Variants in PITPNC1 observed in about 807,000 individuals in gnomAD.
PITPNC1 encodes the protein phosphatidylinositol transfer protein cytoplasmic 1.
PITPNC1 carries 18 observed loss-of-function variants against 44.7 expected under a neutral mutation model. The ratio of observed to expected loss-of-function variants is 0.40; its 90% CI spans 0.28 to 0.60. PITPNC1 has a LOEUF of 0.60. PITPNC1 is among the 20% of genes least tolerant of loss of function. PITPNC1 has a pLI of 0.39. For synonymous variants in PITPNC1, 141 were observed against 149.6 expected (o/e 0.94, Z 0.42); for missense variants, 290 against 418.4 (o/e 0.69, Z 2.68).
Position 67,636,399 on chromosome 17 carries a change from T to C in PITPNC1, c.462+4161T>C, listed in dbSNP as rs553442456. On this transcript the variant is annotated intron_variant, in intron 6 of 8. Coordinates refer to ENST00000581322, the MANE Select transcript of PITPNC1 (RefSeq NM_012417.4). ...AGATGGATGGAACTCTGGATTCAGC[T>C]TTGACGCTCAGGGCCACCCCTGGCC... 2.0e-5 allele frequency among the ~76,000 whole-genome samples: 3 copies of C among 152,238 alleles called. No homozygotes were observed. In the East Asian group the frequency reaches 5.8e-4, roughly 29 times the overall value.
chr17:67,690,185 T>C lies in PITPNC1; in HGVS notation c.683-2387T>C, dbSNP rs185913575. On this transcript the variant is annotated intron_variant, in intron 8 of 8. Coordinates refer to ENST00000581322, the MANE Select transcript of PITPNC1 (RefSeq NM_012417.4). Reference sequence around the variant, plus strand: ...AGATTAAGCTGGGCACGGTGGCTCATGCCTATAATCCCAGCACTTTGGGAG... The same window carrying C: ...AGATTAAGCTGGGCACGGTGGCTCACGCCTATAATCCCAGCACTTTGGGAG... Among the ~76,000 whole-genome samples, 924 of 152,140 alleles carry C rather than the reference T, an allele frequency of 6.1e-3. 5 individuals carry two copies. The highest frequency in any genetic ancestry group is 0.027 in the Middle Eastern group (8 of 294).
At chr17:67,409,695 C>T (rs1192280775) in intron 1 of PITPNC1, among the ~76,000 whole-genome samples, 4 of 151,916 alleles carry the variant, frequency 2.6e-5, no homozygotes, top group Admixed American at 6.6e-5. Context: ...CACGCCACCA[C>T]GCCCAGCTAA....
intron 2 of PITPNC1, among the ~76,000 whole-genome samples, chr17:67,546,560 G>C (rs1378038851): frequency 1.3e-5 from 2 of 152,186 alleles, no homozygotes; most frequent in Non-Finnish European, 2.9e-5. Context: ...CCTCACTGCT[G>C]ATGGATGATG....
At chr17:67,592,011 C>T (rs557753725) in intron 5 of PITPNC1, among the ~76,000 whole-genome samples, 18 of 151,762 alleles carry the variant, frequency 1.2e-4, no homozygotes, top group South Asian at 2.1e-4. Context: ...CCACACCCAG[C>T]GCAATGATTT....
At chr17:67,463,487 A>G (rs937088290) in intron 1 of PITPNC1, among the ~76,000 whole-genome samples, 7 of 152,162 alleles carry the variant, frequency 4.6e-5, no homozygotes, top group Non-Finnish European at 8.8e-5. Flanking sequence ...CACATAGTAC[A>G]TTGGAAGTCT....
intron 1 of PITPNC1, among the ~76,000 whole-genome samples, chr17:67,403,764 G>A (rs1365043693): frequency 6.6e-6 from 1 of 152,212 alleles, no homozygotes; most frequent in Non-Finnish European, 1.5e-5. Flanking sequence ...TCTCACGGCT[G>A]TAATCCTAGC....
At chr17:67,434,621 G>A (rs1246384925) in intron 1 of PITPNC1, among the ~76,000 whole-genome samples, 2 of 152,028 alleles carry the variant, frequency 1.3e-5, no homozygotes, top group Non-Finnish European at 2.9e-5. Context: ...GACCAGCCTG[G>A]CCAACATGGC....
intron 8 of PITPNC1, among the ~76,000 whole-genome samples, chr17:67,683,871 G>A (rs1162436699): frequency 5.3e-5 from 8 of 151,522 alleles, no homozygotes; most frequent in South Asian, 2.1e-4. Flanking sequence ...CCAGCTACTC[G>A]GGAGGCTGAG....
intron 1 of PITPNC1, 34 bp downstream of exon 1, chr17:67,378,236 C>T: frequency 1.4e-6 from 2 of 1,398,412 alleles, no homozygotes; most frequent in Non-Finnish European, 1.9e-6. Flanking sequence ...CTCGCCCGCT[C>T]CGGGACCCCC....
chr17:67,617,574 A>C (rs1020184159), intron 5 of PITPNC1, among the ~76,000 whole-genome samples: 1 of 152,142 alleles, frequency 6.6e-6, no homozygotes, highest in African/African-American at 2.4e-5. Flanking sequence ...AAATCATCAC[A>C]AATTGGGTGG....
intron 1 of PITPNC1, among the ~76,000 whole-genome samples, chr17:67,412,595 T>C (rs1490363692): frequency 6.6e-6 from 1 of 152,148 alleles, no homozygotes; most frequent in East Asian, 1.9e-4. Flanking sequence ...AGACGGAGTT[T>C]CGCTCTTGTT....
At chr17:67,649,731 T>TA (rs1207148553) in intron 6 of PITPNC1, among the ~76,000 whole-genome samples, 15 of 151,994 alleles carry the variant, frequency 9.9e-5, no homozygotes, top group Non-Finnish European at 1.9e-4. Flanking sequence ...TTTTTTTTAC[T>TA]AAAAAAAATT....
At chr17:67,644,449 T>G (rs1415139120) in intron 6 of PITPNC1, among the ~76,000 whole-genome samples, 16 of 132,942 alleles carry the variant, frequency 1.2e-4, no homozygotes, top group Non-Finnish European at 2.6e-4. Context: ...TTTTTTTTTT[T>G]TTTGAGACAG....
At chr17:67,599,273 G>C (rs1181609017) in intron 5 of PITPNC1, among the ~76,000 whole-genome samples, 3 of 151,802 alleles carry the variant, frequency 2.0e-5, no homozygotes. Context: ...AGTTGAGTTT[G>C]AAGTAGTCAC....
rs577857241 is a variant in PITPNC1, at chr17:67,591,119, A to AAAAC, written c.366+12886_366+12889dup. ...CATCACCTCTTTAGTGTTCTTGTCA[A>AAAAC]AAACAAACAAACAAACAAACAAACA... On this transcript the variant is annotated intron_variant, in intron 5 of 8. Coordinates refer to ENST00000581322, the MANE Select transcript of PITPNC1 (RefSeq NM_012417.4). Among the ~76,000 whole-genome samples, 425 of 152,226 alleles carry AAAAC rather than the reference A, an allele frequency of 2.8e-3. 1 individual carries two copies. Among genetic ancestry groups the AAAAC allele is most frequent in the African/African-American group, 8.8e-3 (364 of 41,548 alleles).
chr17:67,646,775 C>A (rs2042154538), intron 6 of PITPNC1, among the ~76,000 whole-genome samples: 1 of 152,160 alleles, frequency 6.6e-6, no homozygotes, highest in Non-Finnish European at 1.5e-5. Context: ...AGTGGTCCAC[C>A]TGCCTCAGCC....
intron 1 of PITPNC1, among the ~76,000 whole-genome samples, chr17:67,425,193 G>GCACACACA (rs201370650): frequency 1.9e-5 from 1 of 52,118 alleles, no homozygotes; most frequent in African/African-American, 1.0e-4. Context: ...TTGTGCGCGC[G>GCACACACA]CACGCACACG....
chr17:67,395,812 G>A (rs1337064308), intron 1 of PITPNC1, among the ~76,000 whole-genome samples: 3 of 152,180 alleles, frequency 2.0e-5, no homozygotes, highest in Admixed American at 2.0e-4. Flanking sequence ...CCAAGTGCCA[G>A]GAGTTTGGTA....
chr17:67,628,729 C>G (rs1368552336), intron 5 of PITPNC1, among the ~76,000 whole-genome samples: 1 of 152,152 alleles, frequency 6.6e-6, no homozygotes, highest in African/African-American at 2.4e-5. Flanking sequence ...GCAAGGCCTG[C>G]AGCACGCAGT....
Sources: allele counts gnomAD v4.1 joint callset (sites outside exome capture counted in the v4.1 genomes callset), GRCh38; gene constraint gnomAD v4.1.1; transcripts MANE v1.5; gene names NCBI Gene and HGNC (gene_info 2026-07-23, HGNC 2026-07-21).